ATG5: variants seen among roughly 807,000 people sequenced by gnomAD.
ATG5 encodes the protein autophagy protein 5.
Under a neutral mutation model 36.5 loss-of-function variants are expected in ATG5, and 14 were observed. The observed-to-expected ratio is 0.38, with a 90% confidence interval of 0.25 to 0.60. The LOEUF is 0.60. ATG5 is among the 20% of genes least tolerant of loss of function. The probability of loss-of-function intolerance (pLI) is 0.60; values close to 1 mark genes in which losing one functional copy is unlikely to be tolerated. For missense variants in ATG5, 195 were observed against 326.7 expected, an observed-to-expected ratio of 0.60 and a Z score of 3.11; for synonymous variants, 95 against 101.5, an observed-to-expected ratio of 0.94 and a Z score of 0.38.
intron 3 of ATG5, among the ~76,000 whole-genome samples, chr6:106,307,034 C>T (rs535983855): frequency 2.6e-5 from 4 of 152,274 alleles, no homozygotes; most frequent in South Asian, 2.1e-4. Flanking sequence ...GGATTAGAGA[C>T]GGGACCCAAA....
At chr6:106,241,745 A>G (rs957934036) in intron 6 of ATG5, among the ~76,000 whole-genome samples, 14 of 152,212 alleles carry the variant, frequency 9.2e-5, no homozygotes, top group African/African-American at 3.1e-4. Flanking sequence ...TGAGCAAGAA[A>G]GAATTCAGGC....
intron 3 of ATG5, among the ~76,000 whole-genome samples, chr6:106,301,840 T>C (rs778470870): frequency 1.3e-5 from 2 of 152,096 alleles, no homozygotes; most frequent in Non-Finnish European, 2.9e-5. Flanking sequence ...CACTTAATTC[T>C]TGAAACAAAG....
At chr6:106,317,218 G>GCTC in intron 1 of ATG5, among the ~76,000 whole-genome samples, 1 of 152,224 alleles carries the variant, frequency 6.6e-6, no homozygotes, top group South Asian at 2.1e-4. Context: ...TACACTTAGA[G>GCTC]TAACTCAACA....
intron 3 of ATG5, among the ~76,000 whole-genome samples, chr6:106,298,215 T>C (rs906140317): frequency 6.6e-6 from 1 of 152,006 alleles, no homozygotes; most frequent in Admixed American, 6.6e-5. Flanking sequence ...CGCCTCGGCC[T>C]CCCAAAGTGC....
At chr6:106,305,581 C>T (rs755449450) in intron 3 of ATG5, among the ~76,000 whole-genome samples, 3 of 152,232 alleles carry the variant, frequency 2.0e-5, no homozygotes, top group Non-Finnish European at 2.9e-5. Context: ...TCTCAACTGG[C>T]GACTAATTTC....
chr6:106,248,252 G>T lies in ATG5; in HGVS notation c.479-8C>A, dbSNP rs985098039. 2.7e-5 allele frequency: 42 copies of T among 1,573,252 alleles called. No individual in the cohort carries two copies. The highest frequency in any genetic ancestry group is 3.4e-5 in the Non-Finnish European group (39 of 1,144,098). ...AAAACTGGTCAAATCTGTCTGTAAT[G>T]ATATAAATTATTTGTTATTAAAAAT... is the stretch of plus-strand genomic sequence containing the variant. On this transcript the variant is annotated splice_region_variant and splice_polypyrimidine_tract_variant and intron_variant, in intron 5 of 7. Transcript: ENST00000369076.
intron 7 of ATG5, among the ~76,000 whole-genome samples, chr6:106,201,275 A>ATGTGTGCG (rs1554212552): frequency 2.0e-5 from 3 of 149,318 alleles, no homozygotes; most frequent in Non-Finnish European, 4.5e-5. Flanking sequence ...TCAAGTGTAT[A>ATGTGTGCG]TGTGTGTGTG....
chr6:106,193,991 T>C (rs1464157782), intron 7 of ATG5, among the ~76,000 whole-genome samples: 2 of 152,222 alleles, frequency 1.3e-5, no homozygotes, highest in Admixed American at 6.5e-5. Flanking sequence ...ATTTAACTTC[T>C]TGAGATTAAG....
chr6:106,301,262 A>C (rs564220850), intron 3 of ATG5, among the ~76,000 whole-genome samples: 2 of 152,220 alleles, frequency 1.3e-5, no homozygotes, highest in African/African-American at 4.8e-5. Flanking sequence ...AATCAGACAT[A>C]ACCTCCTTGT....
chr6:106,237,232 C>CTT (rs1562229173), intron 6 of ATG5, among the ~76,000 whole-genome samples: 7 of 151,976 alleles, frequency 4.6e-5, no homozygotes, highest in Non-Finnish European at 8.8e-5. Flanking sequence ...CAAAACTAAA[C>CTT]CCAATAAGAG....
intron 6 of ATG5, among the ~76,000 whole-genome samples, chr6:106,202,605 A>T (rs73522614): frequency 0.084 from 12,846 of 152,212 alleles, 571 homozygotes; most frequent in South Asian, 0.13. Context: ...CCTTATTTTT[A>T]AGAAATTCAT....
At chr6:106,219,705 G>T (rs1297812160) in intron 6 of ATG5, among the ~76,000 whole-genome samples, 1 of 152,130 alleles carries the variant, frequency 6.6e-6, no homozygotes, top group African/African-American at 2.4e-5. Flanking sequence ...TCACCCAGAG[G>T]TATCGACAGA....
chr6:106,199,298 T>C (rs1776326870), intron 7 of ATG5, among the ~76,000 whole-genome samples: 1 of 152,110 alleles, frequency 6.6e-6, no homozygotes, highest in Non-Finnish European at 1.5e-5. Context: ...TTTATAAAGG[T>C]GAAAGGCTGG....
At chr6:106,315,002 G>A (rs898473105) in intron 2 of ATG5, among the ~76,000 whole-genome samples, 4 of 152,130 alleles carry the variant, frequency 2.6e-5, no homozygotes, top group Non-Finnish European at 5.9e-5. Context: ...ACATGAGCCT[G>A]GGGAAACATT....
intron 4 of ATG5, among the ~76,000 whole-genome samples, chr6:106,280,111 AGATGTGGAATG>A (rs1350151098): frequency 6.6e-6 from 1 of 152,090 alleles, no homozygotes; most frequent in Non-Finnish European, 1.5e-5. Context: ...ATATTGGCAA[AGATGTGGAATG>A]GAGCCCTCAC....
intron 5 of ATG5, among the ~76,000 whole-genome samples, chr6:106,256,916 T>C (rs555629676): frequency 6.6e-6 from 1 of 152,362 alleles, no homozygotes; most frequent in Admixed American, 6.5e-5. Context: ...TATAGCTTTT[T>C]CACTTTATAA....
chr6:106,280,116 T>C (rs535229163), intron 4 of ATG5, among the ~76,000 whole-genome samples: 1 of 151,972 alleles, frequency 6.6e-6, no homozygotes, highest in Non-Finnish European at 1.5e-5. Context: ...GGCAAAGATG[T>C]GGAATGGAGC....
intron 1 of ATG5, among the ~76,000 whole-genome samples, chr6:106,323,076 G>A (rs564114296): frequency 5.3e-5 from 8 of 151,838 alleles, no homozygotes; most frequent in South Asian, 2.1e-4. Context: ...TTGCCACCAG[G>A]CTCGGGTTTG....
chr6:106,271,136 C>T (rs1008511584), intron 5 of ATG5, among the ~76,000 whole-genome samples: 2 of 152,232 alleles, frequency 1.3e-5, no homozygotes, highest in Non-Finnish European at 2.9e-5. Context: ...CCTTGGCCTA[C>T]AAGGCCTTAG....
Sources: gnomAD v4.1 joint callset for allele counts (sites outside exome capture counted in the v4.1 genomes callset) on GRCh38, gnomAD v4.1.1 for gene constraint, MANE v1.5 for transcripts, NCBI Gene and HGNC (gene_info 2026-07-23, HGNC 2026-07-21) for gene names.